Variants in IL1RAPL1 observed in about 807,000 individuals in gnomAD.
IL1RAPL1 encodes interleukin-1 receptor accessory protein-like 1.
In IL1RAPL1, 3 loss-of-function variants were observed where a neutral mutation model predicts 48.4. The ratio of observed to expected loss-of-function variants is 0.06; its 90% CI spans 0.03 to 0.16. IL1RAPL1 has a LOEUF of 0.16. Among genes scored for constraint, IL1RAPL1 ranks in the 10% least tolerant of loss-of-function variants. The pLI is 1.00. For synonymous variants in IL1RAPL1, 185 were observed against 187.7 expected (o/e 0.99, Z 0.12); for missense variants, 349 against 530.6 (o/e 0.66, Z 3.36).
intron 6 of IL1RAPL1, among the ~76,000 whole-genome samples, chrX:29,759,196 G>A (rs1423092501): frequency 2.7e-5 from 3 of 111,969 alleles, no homozygotes; most frequent in Non-Finnish European, 5.6e-5. Context: ...GTTGTCATTA[G>A]CATTTTAATT....
chrX:29,132,529 G>A (rs189753922), intron 2 of IL1RAPL1, among the ~76,000 whole-genome samples: 72 of 112,069 alleles, frequency 6.4e-4, no homozygotes, highest in African/African-American at 2.2e-3. Flanking sequence ...TGTGTAGTAG[G>A]CTCTACCATC....
At chrX:28,695,603 C>T (rs776449815) in intron 1 of IL1RAPL1, among the ~76,000 whole-genome samples, 2 of 111,796 alleles carry the variant, frequency 1.8e-5, no homozygotes, top group Non-Finnish European at 3.8e-5. Flanking sequence ...AAAGTTTGGA[C>T]AACCTTACAT....
chrX:29,926,498 A>G (rs1932892799), intron 8 of IL1RAPL1, among the ~76,000 whole-genome samples: 1 of 112,171 alleles, frequency 8.9e-6, no homozygotes, highest in Non-Finnish European at 1.9e-5. Flanking sequence ...TCTTAACTAA[A>G]TGTTCAATTC....
intron 2 of IL1RAPL1, among the ~76,000 whole-genome samples, chrX:29,155,726 A>T (rs1207598521): frequency 9.0e-6 from 1 of 111,692 alleles, no homozygotes; most frequent in African/African-American, 3.2e-5. Flanking sequence ...TTTTAAGTGA[A>T]TTGTAAGTTT....
intron 5 of IL1RAPL1, among the ~76,000 whole-genome samples, chrX:29,530,708 A>C (rs1320696859): frequency 8.9e-6 from 1 of 112,017 alleles, no homozygotes; most frequent in East Asian, 2.8e-4. Flanking sequence ...TAAGTGTCTC[A>C]CAGAATCTGC....
intron 3 of IL1RAPL1, among the ~76,000 whole-genome samples, chrX:29,356,562 GACACAT>G (rs1569293752): frequency 9.1e-6 from 1 of 109,869 alleles, no homozygotes; most frequent in Non-Finnish European, 1.9e-5. Flanking sequence ...ATGTATGTGT[GACACAT>G]ACACACACAC....
intron 2 of IL1RAPL1, among the ~76,000 whole-genome samples, chrX:29,209,168 G>T (rs1037573150): frequency 9.0e-6 from 1 of 111,612 alleles, no homozygotes; most frequent in African/African-American, 3.3e-5. Flanking sequence ...TATTCAATTC[G>T]TGACATTTAA....
chrX:29,401,166 A>G (rs567046428), intron 5 of IL1RAPL1, among the ~76,000 whole-genome samples: 1 of 112,218 alleles, frequency 8.9e-6, no homozygotes, highest in East Asian at 2.8e-4. Context: ...TTTTCTTTAT[A>G]TAAAAACAAA....
intron 2 of IL1RAPL1, among the ~76,000 whole-genome samples, chrX:28,993,152 A>AT (rs377452551): frequency 3.6e-5 from 4 of 112,044 alleles, no homozygotes; most frequent in African/African-American, 9.7e-5. Context: ...TCATTGTCCT[A>AT]TTTTTTGCAA....
intron 2 of IL1RAPL1, among the ~76,000 whole-genome samples, chrX:28,833,829 T>C (rs1292328020): frequency 8.9e-6 from 1 of 112,200 alleles, no homozygotes; most frequent in Non-Finnish European, 1.9e-5. Context: ...AGAAATAGAC[T>C]TTGATTTAAA....
chrX:29,857,915 T>C (rs1450688408), intron 6 of IL1RAPL1, among the ~76,000 whole-genome samples: 3 of 111,894 alleles, frequency 2.7e-5, no homozygotes, highest in African/African-American at 9.7e-5. Flanking sequence ...GCTTTGACTC[T>C]CCATCTCTGG....
At chrX:29,387,336 A>G (rs761593610) in intron 3 of IL1RAPL1, among the ~76,000 whole-genome samples, 4 of 112,321 alleles carry the variant, frequency 3.6e-5, no homozygotes, top group Non-Finnish European at 7.5e-5. Flanking sequence ...TCTGCAGAGT[A>G]TGGACCCATT....
intron 2 of IL1RAPL1, among the ~76,000 whole-genome samples, chrX:29,188,358 A>G (rs1248553121): frequency 9.0e-6 from 1 of 111,015 alleles, no homozygotes; most frequent in Non-Finnish European, 1.9e-5. Context: ...TTTGAATCCC[A>G]TTTTCTGTAA....
chrX:28,848,598 G>A (rs1332776666), intron 2 of IL1RAPL1, among the ~76,000 whole-genome samples: 2 of 111,325 alleles, frequency 1.8e-5, no homozygotes, highest in African/African-American at 6.5e-5. Context: ...CTAGCCAAAA[G>A]CTGTCTACCT....
chrX:29,643,154 GTCT>G (rs1925218988), intron 5 of IL1RAPL1, among the ~76,000 whole-genome samples: 2 of 112,225 alleles, frequency 1.8e-5, no homozygotes, highest in Non-Finnish European at 3.8e-5. Flanking sequence ...TTCTCTTGTT[GTCT>G]TCTTTTTGTT....
intron 5 of IL1RAPL1, among the ~76,000 whole-genome samples, chrX:29,597,094 G>A (rs1204138130): frequency 9.1e-6 from 1 of 109,615 alleles, no homozygotes; most frequent in Admixed American, 9.7e-5. Flanking sequence ...CTTGATAATG[G>A]TGGCTTATCT....
chrX:29,328,642 TAG>T (rs372684157), intron 3 of IL1RAPL1, among the ~76,000 whole-genome samples: 2,045 of 103,753 alleles, frequency 0.02, 21 homozygotes, highest in Middle Eastern at 0.042. Flanking sequence ...TATATATATA[TAG>T]AGAGAGAGAG....
intron 6 of IL1RAPL1, among the ~76,000 whole-genome samples, chrX:29,910,776 A>T (rs1775387681): frequency 9.0e-6 from 1 of 111,353 alleles, no homozygotes; most frequent in African/African-American, 3.3e-5. Flanking sequence ...TATATTTAAT[A>T]ATAAAATTTT....
chrX:29,633,950 G>A (rs1355358638), intron 5 of IL1RAPL1, among the ~76,000 whole-genome samples: 3 of 111,396 alleles, frequency 2.7e-5, no homozygotes, highest in Admixed American at 9.6e-5. Context: ...AGGTTCCTGG[G>A]TGACATGCCA....
Sources: allele counts gnomAD v4.1 joint callset (sites outside exome capture counted in the v4.1 genomes callset), GRCh38; gene constraint gnomAD v4.1.1; transcripts MANE v1.5; gene names NCBI Gene and HGNC (gene_info 2026-07-23, HGNC 2026-07-21).